The following NLGN1 variants were observed in gnomAD, a reference collection of about 807,000 sequenced individuals.
The protein encoded by NLGN1 is neuroligin 1.
Under a neutral mutation model 65.5 loss-of-function variants are expected in NLGN1, and 12 were observed. That is an observed-to-expected ratio of 0.18 (90% confidence interval 0.12 to 0.30). The LOEUF (loss-of-function observed/expected upper bound fraction) is 0.30, where lower values mean the gene tolerates loss of function less well. Ranked by LOEUF, NLGN1 falls within the 10% of genes least tolerant of loss-of-function variation. NLGN1 has a pLI of 1.00. For synonymous variants in NLGN1, 350 were observed against 359.5 expected (o/e 0.97, Z 0.30); for missense variants, 750 against 1,007.1 (o/e 0.74, Z 3.46).
chr3:173,950,635 A>G (rs1487330622), intron 4 of NLGN1, among the ~76,000 whole-genome samples: 1 of 152,000 alleles, frequency 6.6e-6, no homozygotes, highest in Admixed American at 6.6e-5. Context: ...CAATGTGGCG[A>G]AACCCTGTCT....
intron 3 of NLGN1, among the ~76,000 whole-genome samples, chr3:173,679,090 GATTTT>G (rs1341476148): frequency 6.7e-6 from 1 of 149,032 alleles, no homozygotes; most frequent in African/African-American, 2.5e-5. Context: ...TCAGTGCAAA[GATTTT>G]TCATTCATCT....
In NLGN1 at chr3:173,891,212, C is replaced by G. The variant is rs973655439; in HGVS notation, c.646+83380C>G. On this transcript the variant is annotated intron_variant, in intron 4 of 6. Coordinates refer to ENST00000457714, the Ensembl canonical transcript of NLGN1. ...CTGGACACAATGCTAATATTGTGCA[C>G]TGTTCATTATTTGAATTATTGATCA... Among the ~76,000 whole-genome samples the G allele has an allele frequency of 1.3e-4, 20 of 152,260 alleles. No homozygotes were observed. In the East Asian group the frequency reaches 3.9e-3, roughly 29 times the overall value.
intron 3 of NLGN1, among the ~76,000 whole-genome samples, chr3:173,629,275 T>A (rs1305530838): frequency 6.6e-6 from 1 of 151,798 alleles, no homozygotes; most frequent in Non-Finnish European, 1.5e-5. Flanking sequence ...GCAAACACCA[T>A]CTCTAATTTA....
At chr3:173,844,643 A>C (rs187694229) in intron 4 of NLGN1, among the ~76,000 whole-genome samples, 57 of 152,308 alleles carry the variant, frequency 3.7e-4, no homozygotes, top group South Asian at 8.3e-4. Context: ...CTGCATTTAG[A>C]GTTCTTGATT....
intron 3 of NLGN1, among the ~76,000 whole-genome samples, chr3:173,758,062 G>C (rs911893709): frequency 3.3e-5 from 5 of 151,984 alleles, no homozygotes; most frequent in Non-Finnish European, 5.9e-5. Context: ...GAGGTCGTAA[G>C]AGTAGGGTCC....
chr3:173,484,027 C>A (rs560722539), intron 2 of NLGN1, among the ~76,000 whole-genome samples: 120 of 152,222 alleles, frequency 7.9e-4, no homozygotes, highest in Middle Eastern at 3.4e-3. Context: ...ATTCAAACAT[C>A]TTGTCGTAGA....
At chr3:174,231,680 G>T (rs573820118) in intron 4 of NLGN1, among the ~76,000 whole-genome samples, 3 of 152,140 alleles carry the variant, frequency 2.0e-5, no homozygotes, top group Non-Finnish European at 2.9e-5. Flanking sequence ...AATGTCCCTG[G>T]GCTCATGATC....
intron 4 of NLGN1, among the ~76,000 whole-genome samples, chr3:173,943,233 A>AC (rs2152313188): frequency 1.3e-5 from 2 of 151,914 alleles, no homozygotes; most frequent in East Asian, 1.9e-4. Flanking sequence ...CAAAAACAAA[A>AC]AAAAATAATG....
chr3:174,241,149 A>G (rs972238612), intron 4 of NLGN1, among the ~76,000 whole-genome samples: 7 of 152,206 alleles, frequency 4.6e-5, no homozygotes, highest in Non-Finnish European at 8.8e-5. Flanking sequence ...TCCCTACTAG[A>G]AAAACAGAGA....
intron 4 of NLGN1, among the ~76,000 whole-genome samples, chr3:173,979,034 A>G (rs1303899581): frequency 6.6e-6 from 1 of 151,848 alleles, no homozygotes; most frequent in Non-Finnish European, 1.5e-5. Flanking sequence ...AAGAATGAGT[A>G]AAATATCTAT....
intron 4 of NLGN1, among the ~76,000 whole-genome samples, chr3:173,882,321 C>T (rs1733498439): frequency 6.6e-6 from 1 of 152,146 alleles, no homozygotes; most frequent in South Asian, 2.1e-4. Context: ...TCACCAGCTG[C>T]ATTAGATCTT....
At chr3:174,275,780 C>A (rs1043882467) in intron 5 of NLGN1, among the ~76,000 whole-genome samples, 10 of 152,038 alleles carry the variant, frequency 6.6e-5, no homozygotes, top group East Asian at 5.8e-4. Flanking sequence ...AGTTACTCTT[C>A]TTTCCTTTAA....
chr3:174,200,465 A>C (rs1007284014), intron 4 of NLGN1, among the ~76,000 whole-genome samples: 1 of 152,170 alleles, frequency 6.6e-6, no homozygotes. Flanking sequence ...CTTACTGTGC[A>C]TGAAGCTCTT....
chr3:173,734,697 C>A (rs1773460324), intron 3 of NLGN1, among the ~76,000 whole-genome samples: 1 of 151,990 alleles, frequency 6.6e-6, no homozygotes, highest in South Asian at 2.1e-4. Context: ...AGTCACTGCA[C>A]CTGGCCTTAT....
At chr3:174,160,809 T>C (rs186886870) in intron 4 of NLGN1, among the ~76,000 whole-genome samples, 2 of 151,754 alleles carry the variant, frequency 1.3e-5, no homozygotes, top group African/African-American at 4.8e-5. Flanking sequence ...TTATTTTAAA[T>C]TGTCCAATTA....
chr3:173,800,264 TTCCTCCA>T, intron 3 of NLGN1: 1 of 900,320 alleles, frequency 1.1e-6, no homozygotes, highest in Non-Finnish European at 1.5e-6. Context: ...TTTTTTTTTT[TTCCTCCA>T]TTTCTCCGTT....
At chr3:173,458,834 T>G (rs963836746) in intron 2 of NLGN1, among the ~76,000 whole-genome samples, 12 of 152,142 alleles carry the variant, frequency 7.9e-5, no homozygotes, top group African/African-American at 2.9e-4. Flanking sequence ...GGCTTTTTTC[T>G]TATGGTTGCA....
intron 4 of NLGN1, among the ~76,000 whole-genome samples, chr3:174,052,186 A>G (rs1414924279): frequency 6.6e-6 from 1 of 151,990 alleles, no homozygotes; most frequent in African/African-American, 2.4e-5. Context: ...GAAATGTAAA[A>G]TGAGGTTGTC....
chr3:173,776,190 C>T (rs1472431235), intron 3 of NLGN1, among the ~76,000 whole-genome samples: 2 of 151,958 alleles, frequency 1.3e-5, no homozygotes, highest in Non-Finnish European at 2.9e-5. Flanking sequence ...CTCCAAATAT[C>T]GGGGTAATGA....
Sources: gnomAD v4.1 joint callset for allele counts (sites outside exome capture counted in the v4.1 genomes callset) on GRCh38, gnomAD v4.1.1 for gene constraint, MANE v1.5 for transcripts, NCBI Gene and HGNC (gene_info 2026-07-23, HGNC 2026-07-21) for gene names.